Variants in GULP1 observed in about 807,000 individuals in gnomAD.
The protein encoded by GULP1 is PTB domain-containing engulfment adapter protein 1.
GULP1 carries 19 observed loss-of-function variants against 40.9 expected under a neutral mutation model. The observed-to-expected ratio is 0.46, with a 90% confidence interval of 0.32 to 0.68. The LOEUF is 0.68. Among genes scored for constraint, GULP1 ranks in the 30% least tolerant of loss-of-function variants. The pLI, the probability that GULP1 is intolerant of heterozygous loss-of-function variation, is 0.03. For missense variants in GULP1, 312 were observed against 362.2 expected (o/e 0.86, Z 1.12); for synonymous variants, 119 against 117.6 (o/e 1.01, Z -0.08).
chr2:188,489,189 TTTG>T (rs2062127151), intron 4 of GULP1, among the ~76,000 whole-genome samples: 1 of 152,070 alleles, frequency 6.6e-6, no homozygotes, highest in Non-Finnish European at 1.5e-5. Flanking sequence ...GATTCAACTC[TTTG>T]GAATCGTTGA....
At chr2:188,456,720 C>A (rs927472871) in intron 2 of GULP1, among the ~76,000 whole-genome samples, 8 of 152,106 alleles carry the variant, frequency 5.3e-5, no homozygotes, top group Non-Finnish European at 2.9e-5. Flanking sequence ...GAGAAGAGTG[C>A]CACTGTCCTC....
intron 6 of GULP1, among the ~76,000 whole-genome samples, chr2:188,535,339 C>G (rs1042366215): frequency 2.6e-5 from 4 of 152,048 alleles, no homozygotes; most frequent in Admixed American, 2.0e-4. Context: ...CTTAACACCC[C>G]CTTTTCCCAT....
chr2:188,457,466 C>T (rs1229238008), intron 2 of GULP1, among the ~76,000 whole-genome samples: 1 of 152,136 alleles, frequency 6.6e-6, no homozygotes, highest in Non-Finnish European at 1.5e-5. Context: ...TTGCCATCCA[C>T]GTAGGATGTG....
At chr2:188,426,373 A>G (rs1361107356) in intron 2 of GULP1, among the ~76,000 whole-genome samples, 4 of 152,234 alleles carry the variant, frequency 2.6e-5, no homozygotes, top group African/African-American at 7.2e-5. Flanking sequence ...CTTCAGAGAG[A>G]ATAGATGGTA....
At chr2:188,386,546 A>C (rs1020538985) in intron 2 of GULP1, among the ~76,000 whole-genome samples, 13 of 152,250 alleles carry the variant, frequency 8.5e-5, no homozygotes, top group Admixed American at 7.8e-4. Context: ...CTGTTAATAT[A>C]TAATATGTTT....
At chr2:188,538,694 A>AGTGT (rs113650180) in intron 6 of GULP1, among the ~76,000 whole-genome samples, 2,721 of 144,786 alleles carry the variant, frequency 0.019, 88 homozygotes, top group African/African-American at 0.063. Flanking sequence ...TGTGTGTGTG[A>AGTGT]GTGTGTGTGT....
chr2:188,400,701 G>T (rs10931357), intron 2 of GULP1, among the ~76,000 whole-genome samples: 1,856 of 152,284 alleles, frequency 0.012, 16 homozygotes, highest in East Asian at 0.022. Flanking sequence ...ATATTCTATA[G>T]TAATTTAGGT....
chr2:188,476,688 G>A (rs569671502), intron 2 of GULP1, among the ~76,000 whole-genome samples: 2 of 152,196 alleles, frequency 1.3e-5, no homozygotes, highest in Admixed American at 1.3e-4. Context: ...AGAAGTGAAA[G>A]GCTATCTTAA....
At chr2:188,544,687 A>G in intron 7 of GULP1, among the ~76,000 whole-genome samples, 1 of 151,928 alleles carries the variant, frequency 6.6e-6, no homozygotes, top group East Asian at 1.9e-4. Context: ...CCCAATCTGA[A>G]CAAGACAAAG....
chr2:188,315,100 G>GA (rs996574969), intron 1 of GULP1, among the ~76,000 whole-genome samples: 2 of 151,800 alleles, frequency 1.3e-5, no homozygotes, highest in Non-Finnish European at 1.5e-5. Flanking sequence ...AATAAGGAAA[G>GA]AAAAAAAATC....
intron 4 of GULP1, among the ~76,000 whole-genome samples, chr2:188,488,655 G>A (rs1317114103): frequency 5.3e-5 from 8 of 151,952 alleles, no homozygotes; most frequent in Admixed American, 5.3e-4. Context: ...CACTCTGAAA[G>A]GTTCTATGGG....
At chr2:188,514,082 T>TGTGTGTGTGTGTGTGTGTGTGTGTGC (rs766246317) in intron 4 of GULP1, among the ~76,000 whole-genome samples, 3 of 149,254 alleles carry the variant, frequency 2.0e-5, no homozygotes, top group East Asian at 2.0e-4. Context: ...TGTGTGTGTG[T>TGTGTGTGTGTGTGTGTGTGTGTGTGC]GCGCCCTGCC....
At chr2:188,391,595 C>T (rs2152552364) in intron 2 of GULP1, among the ~76,000 whole-genome samples, 1 of 151,840 alleles carries the variant, frequency 6.6e-6, no homozygotes, top group East Asian at 1.9e-4. Context: ...TTTGGATGCC[C>T]ATTATTTGTT....
intron 4 of GULP1, among the ~76,000 whole-genome samples, chr2:188,505,828 A>G (rs1418724165): frequency 6.6e-6 from 1 of 151,902 alleles, no homozygotes; most frequent in African/African-American, 2.4e-5. Flanking sequence ...CTTGACCTTC[A>G]TAAACTGCAT....
chr2:188,586,872 TA>T (rs918678238), intron 10 of GULP1, among the ~76,000 whole-genome samples: 1 of 151,736 alleles, frequency 6.6e-6, no homozygotes, highest in African/African-American at 2.4e-5. Context: ...ATTTCTTTTT[TA>T]ATTTTTTAAT....
At position 188,383,647 on chromosome 2, in the gene GULP1, G is replaced by C. The variant is rs1383112701; in HGVS notation, c.-171-116G>C. On this transcript the variant is annotated intron_variant, in intron 1 of 11. Coordinates refer to ENST00000409830, the MANE Select transcript of GULP1 (RefSeq NM_016315.4). Reference sequence around the variant, plus strand: ...TTCCCTATTATTTGGTAACTTTCTTGAACATTTGCAAGAAGCATAATTGGA... The same window carrying C: ...TTCCCTATTATTTGGTAACTTTCTTCAACATTTGCAAGAAGCATAATTGGA... The C allele has an allele frequency of 2.0e-5, 3 of 151,964 alleles. No homozygotes were observed. The East Asian group carries it at 5.8e-4, about 29-fold the overall frequency. 9.4% of individuals were successfully genotyped at this position (151,964 alleles called of 1,614,324 possible). A position where few individuals can be genotyped will look rare whatever the true frequency, so the allele number is the denominator to read the frequency against.
chr2:188,595,221 A>G lies in GULP1; in HGVS notation c.*1210A>G, dbSNP rs1328676143. The G allele has an allele frequency of 6.6e-6, 1 of 151,742 alleles. No homozygotes were observed. Among genetic ancestry groups the G allele is most frequent in the Non-Finnish European group, 1.5e-5 (1 of 67,724 alleles). The allele number at this position is 151,742 out of a possible 1,614,324, so 9.4% of individuals were successfully genotyped here. A position where few individuals can be genotyped will look rare whatever the true frequency, so the allele number is the denominator to read the frequency against. On this transcript the variant is annotated 3_prime_UTR_variant, in exon 12 of 12. Transcript: ENST00000409830. ...CCTAACAGACTAATTTGTACTCAGTAAAACAAAAATTTATGGTCAAAATTT... is the reference window on the plus strand; with the variant it reads ...CCTAACAGACTAATTTGTACTCAGTGAAACAAAAATTTATGGTCAAAATTT...
chr2:188,319,238 A>G (rs1297783765), intron 1 of GULP1, among the ~76,000 whole-genome samples: 3 of 152,032 alleles, frequency 2.0e-5, no homozygotes. Context: ...GTTTTTACAC[A>G]TGAATGCATT....
chr2:188,318,498 G>A (rs1247461150), intron 1 of GULP1, among the ~76,000 whole-genome samples: 1 of 152,042 alleles, frequency 6.6e-6, no homozygotes, highest in African/African-American at 2.4e-5. Flanking sequence ...CTCAATATGA[G>A]GCAGAAGGTG....
Sources: allele counts gnomAD v4.1 joint callset (sites outside exome capture counted in the v4.1 genomes callset), GRCh38; gene constraint gnomAD v4.1.1; transcripts MANE v1.5; gene names NCBI Gene and HGNC (gene_info 2026-07-23, HGNC 2026-07-21).